WWTR1: variants seen among roughly 807,000 people sequenced by gnomAD.
WWTR1 encodes the protein WW domain containing transcription regulator 1, also known as WW domain-containing transcription regulator protein 1.
A neutral mutation model predicts 40.1 loss-of-function variants in WWTR1; 13 were observed. The observed-to-expected ratio is 0.32, with a 90% CI of 0.21 to 0.52. The LOEUF (loss-of-function observed/expected upper bound fraction) is 0.52, where lower values mean the gene tolerates loss of function less well. Ranked by LOEUF, WWTR1 falls within the 20% of genes least tolerant of loss-of-function variation. The pLI, the probability that WWTR1 is intolerant of heterozygous loss-of-function variation, is 0.97. For synonymous variants in WWTR1, 230 were observed against 210.1 expected (o/e 1.09, Z -0.82); for missense variants, 436 against 523.1 (o/e 0.83, Z 1.63).
chr3:149,562,255 A>C (rs1443019448), intron 3 of WWTR1, among the ~76,000 whole-genome samples: 1 of 151,708 alleles, frequency 6.6e-6, no homozygotes, highest in Admixed American at 6.6e-5. Flanking sequence ...AGGTCTTGCC[A>C]CTGCACTCCA....
upstream of WWTR1, among the ~76,000 whole-genome samples, chr3:149,706,246 T>C (rs931092725): frequency 1.3e-5 from 2 of 152,200 alleles, no homozygotes; most frequent in Non-Finnish European, 2.9e-5. Flanking sequence ...AATGTTCACA[T>C]GTAAATTTTT....
chr3:149,539,908 A>G (rs1172165736), intron 4 of WWTR1, among the ~76,000 whole-genome samples: 4 of 152,064 alleles, frequency 2.6e-5, no homozygotes, highest in Non-Finnish European at 5.9e-5. Context: ...GCCATTTATT[A>G]TATGGTCTTA....
chr3:149,680,036 C>G (rs972030500), intron 1 of WWTR1, among the ~76,000 whole-genome samples: 11 of 152,146 alleles, frequency 7.2e-5, no homozygotes, highest in Admixed American at 4.6e-4. Flanking sequence ...CTTCCCTTTC[C>G]TCAGCTATTC....
intron 2 of WWTR1, among the ~76,000 whole-genome samples, chr3:149,667,636 C>G (rs1038544054): frequency 3.9e-5 from 6 of 152,058 alleles, no homozygotes; most frequent in African/African-American, 1.4e-4. Context: ...CGTGGAAGCC[C>G]CAAGTCTCAA....
intron 5 of WWTR1, among the ~76,000 whole-genome samples, chr3:149,526,804 C>T (rs1487794007): frequency 2.0e-5 from 3 of 152,056 alleles, no homozygotes; most frequent in Non-Finnish European, 4.4e-5. Context: ...GTTTGTTTGC[C>T]AGACGTCTCT....
chr3:149,645,772 C>T (rs1245418551), intron 2 of WWTR1, among the ~76,000 whole-genome samples: 3 of 152,066 alleles, frequency 2.0e-5, no homozygotes, highest in African/African-American at 7.2e-5. Context: ...TTAATATCTG[C>T]AGAAAAGCCA....
At chr3:149,613,914 G>GA (rs200938984) in intron 2 of WWTR1, among the ~76,000 whole-genome samples, 35 of 147,790 alleles carry the variant, frequency 2.4e-4, no homozygotes, top group East Asian at 1.8e-3. Context: ...CACTCACGGT[G>GA]AAAAAAAAAA....
chr3:149,719,190 A>T, intron 4 of WWTR1, among the ~76,000 whole-genome samples: 1 of 134,504 alleles, frequency 7.4e-6, no homozygotes. Flanking sequence ...CTTTTTTGAG[A>T]CCGAGTCTCA....
At chr3:149,699,768 T>G (rs76203616) in intron 1 of WWTR1, among the ~76,000 whole-genome samples, 3,195 of 152,312 alleles carry the variant, frequency 0.021, 68 homozygotes, top group South Asian at 0.092. Context: ...TATCAGCATT[T>G]TGGTCACAAC....
At chr3:149,617,980 T>G (rs1740071717) in intron 2 of WWTR1, among the ~76,000 whole-genome samples, 1 of 152,204 alleles carries the variant, frequency 6.6e-6, no homozygotes, top group Non-Finnish European at 1.5e-5. Flanking sequence ...TCTGGAAGGA[T>G]GTATACCAAA....
At chr3:149,557,810 C>T (rs1736897001) in intron 3 of WWTR1, among the ~76,000 whole-genome samples, 1 of 151,650 alleles carries the variant, frequency 6.6e-6, no homozygotes, top group African/African-American at 2.4e-5. Flanking sequence ...CAAGACCAGC[C>T]TGGCCAACAT....
At chr3:149,672,134 AAAAC>A (rs528091796) in intron 1 of WWTR1, among the ~76,000 whole-genome samples, 42 of 152,252 alleles carry the variant, frequency 2.8e-4, no homozygotes, top group Middle Eastern at 3.4e-3. Context: ...AAAAAAACAA[AAAAC>A]AAACAAACAA....
intron 1 of WWTR1, among the ~76,000 whole-genome samples, chr3:149,676,084 A>G (rs1714248210): frequency 6.6e-6 from 1 of 152,152 alleles, no homozygotes; most frequent in South Asian, 2.1e-4. Context: ...AACATTGACC[A>G]TGTCCTAATG....
intron 3 of WWTR1, among the ~76,000 whole-genome samples, chr3:149,548,824 G>T (rs1264061459): frequency 6.6e-6 from 1 of 152,142 alleles, no homozygotes; most frequent in Non-Finnish European, 1.5e-5. Context: ...ACTTTGAGGT[G>T]AATTTTTTAG....
intron 2 of WWTR1, among the ~76,000 whole-genome samples, chr3:149,589,410 C>T (rs1283808025): frequency 6.6e-6 from 1 of 152,064 alleles, no homozygotes; most frequent in Non-Finnish European, 1.5e-5. Context: ...ATTTTTAACC[C>T]CCACGTTAAT....
intron 2 of WWTR1, among the ~76,000 whole-genome samples, chr3:149,653,750 G>T (rs1713035144): frequency 1.3e-5 from 2 of 152,214 alleles, no homozygotes; most frequent in African/African-American, 4.8e-5. Context: ...AGGTGTCGGT[G>T]GGGAAAAAGG....
At chr3:149,662,819 A>G (rs753556983), upstream of WWTR1, among the ~76,000 whole-genome samples, 13 of 152,168 alleles carry the variant, frequency 8.5e-5, no homozygotes, top group African/African-American at 1.4e-4. Context: ...GTAATAAAGT[A>G]TCTTTCTCCC....
intron 2 of WWTR1, among the ~76,000 whole-genome samples, chr3:149,628,258 T>A (rs2108101710): frequency 6.6e-6 from 1 of 152,198 alleles, no homozygotes; most frequent in Non-Finnish European, 1.5e-5. Context: ...TAGTCCCAGC[T>A]ACTCGGGAGG....
At chr3:149,713,819 T>C (rs922769605) in intron 5 of WWTR1, among the ~76,000 whole-genome samples, 1 of 152,224 alleles carries the variant, frequency 6.6e-6, no homozygotes, top group African/African-American at 2.4e-5. Context: ...GTGTGACCCC[T>C]GTGGCACGCA....
Sources: allele counts gnomAD v4.1 joint callset (sites outside exome capture counted in the v4.1 genomes callset), GRCh38; gene constraint gnomAD v4.1.1; transcripts MANE v1.5; gene names NCBI Gene and HGNC (gene_info 2026-07-23, HGNC 2026-07-21).